Variants in NMNAT2 observed in about 807,000 individuals in gnomAD.
The protein encoded by NMNAT2 is nicotinamide nucleotide adenylyltransferase 2.
Under a neutral mutation model 41.6 loss-of-function variants are expected in NMNAT2, and 11 were observed. That is an observed-to-expected ratio of 0.26 (90% CI 0.17 to 0.44). The LOEUF is 0.44. Ranked by LOEUF, NMNAT2 falls within the 20% of genes least tolerant of loss-of-function variation. The pLI is 1.00. For synonymous variants in NMNAT2, 148 were observed against 151.2 expected, an observed-to-expected ratio of 0.98 and a Z score of 0.16; for missense variants, 288 against 407.7, an observed-to-expected ratio of 0.71 and a Z score of 2.53.
Position 183,326,984 on chromosome 1 carries a change from C to G in NMNAT2, c.86-33191G>C, listed in dbSNP as rs984773828. On this transcript the variant is annotated intron_variant, in intron 1 of 10. Transcript: ENST00000287713. ...ACAGAGAGGGAAAGAGTGGACATAGCTATCCCCATTACCCTTTCTCAGCAG... is the reference window on the plus strand; with the variant it reads ...ACAGAGAGGGAAAGAGTGGACATAGGTATCCCCATTACCCTTTCTCAGCAG... Among the ~76,000 whole-genome samples the G allele has an allele frequency of 3.3e-5, 5 of 151,990 alleles. No homozygotes were observed. The South Asian group carries it at 1.0e-3, about 32-fold the overall frequency.
At chr1:183,377,597 C>T (rs1663706720) in intron 1 of NMNAT2, among the ~76,000 whole-genome samples, 3 of 152,176 alleles carry the variant, frequency 2.0e-5, no homozygotes, top group Admixed American at 2.0e-4. Context: ...ACTAAATTAA[C>T]ATAAACTCTC....
chr1:183,399,905 G>A (rs1240896212), intron 1 of NMNAT2, among the ~76,000 whole-genome samples: 3 of 151,956 alleles, frequency 2.0e-5, no homozygotes, highest in African/African-American at 4.8e-5. Context: ...TATTGACGGG[G>A]CATATCTCAA....
chr1:183,394,142 A>G (rs1412395138), intron 1 of NMNAT2, among the ~76,000 whole-genome samples: 1 of 152,192 alleles, frequency 6.6e-6, no homozygotes, highest in Non-Finnish European at 1.5e-5. Context: ...GTTACCCACA[A>G]ATTTTCAACT....
chr1:183,341,749 C>CAAAAAAAAA (rs1475480146), intron 1 of NMNAT2, among the ~76,000 whole-genome samples: 1 of 31,678 alleles, frequency 3.2e-5, no homozygotes, highest in African/African-American at 1.2e-4. Flanking sequence ...AAAAAAAAAC[C>CAAAAAAAAA]TGTTTCCTTC....
intron 1 of NMNAT2, among the ~76,000 whole-genome samples, chr1:183,393,380 A>G (rs937230261): frequency 1.3e-5 from 2 of 152,112 alleles, no homozygotes; most frequent in East Asian, 1.9e-4. Context: ...GCCCAGCTTC[A>G]AGGTCACCCA....
intron 1 of NMNAT2, among the ~76,000 whole-genome samples, chr1:183,329,747 A>G (rs928192603): frequency 2.0e-5 from 3 of 152,062 alleles, no homozygotes; most frequent in African/African-American, 7.3e-5. Flanking sequence ...GAGCCTGCAG[A>G]GATGGTTGGT....
chr1:183,261,309 G>T lies in NMNAT2; in HGVS notation c.652-6C>A. The T allele has an allele frequency of 6.2e-7, 1 of 1,610,984 alleles. No homozygotes were observed. Among genetic ancestry groups the T allele is most frequent in the South Asian group, 1.1e-5 (1 of 91,010 alleles). Reference sequence around the variant, plus strand: ...TCACCAACAATCACCTCCATCTAAAGAAACAGAGAGAGGGCCCTTTGGTGA... The same window carrying T: ...TCACCAACAATCACCTCCATCTAAATAAACAGAGAGAGGGCCCTTTGGTGA... On this transcript the variant is annotated splice_polypyrimidine_tract_variant and splice_region_variant and intron_variant, in intron 8 of 10. Transcript: ENST00000287713.
intron 1 of NMNAT2, among the ~76,000 whole-genome samples, chr1:183,360,900 A>G (rs73050016): frequency 0.011 from 1,615 of 152,328 alleles, 38 homozygotes; most frequent in African/African-American, 0.037. Context: ...ATACATAATT[A>G]TAAAAATCTC....
At chr1:183,343,143 G>C (rs1415438404) in intron 1 of NMNAT2, among the ~76,000 whole-genome samples, 2 of 152,056 alleles carry the variant, frequency 1.3e-5, no homozygotes. Context: ...GGCCTTTGAG[G>C]CCAACCATCT....
rs370701366 is a variant in NMNAT2 at position 183,261,059 on chromosome 1, A to G, written c.764T>C (p.Met255Thr). The G allele has an allele frequency of 1.2e-5, 19 of 1,613,888 alleles. No individual in the cohort carries two copies. In the African/African-American group the frequency reaches 2.4e-4, roughly 20 times the overall value. The change falls in exon 10 of 11, where the codon ATG (methionine) becomes ACG (threonine). Residue 255 changes from methionine (M) to threonine (T), a missense_variant. Coordinates refer to ENST00000287713, the MANE Select transcript of NMNAT2 (RefSeq NM_015039.4). ...SILRKYKNNIMVVKDDINHPM... is the reference protein window; with the variant it reads ...SILRKYKNNITVVKDDINHPM... ...ATGGTTGATGTCATCCTTCACCACC[A>G]TGATGTTGTTCTGAGGACAGAGCAG...
chr1:183,366,078 A>G (rs1663404614), intron 1 of NMNAT2, among the ~76,000 whole-genome samples: 1 of 152,236 alleles, frequency 6.6e-6, no homozygotes. Flanking sequence ...TACAACTGCC[A>G]AAATAGCAAT....
intron 8 of NMNAT2, chr1:183,266,764 A>G: frequency 9.3e-6 from 2 of 215,164 alleles, no homozygotes. Flanking sequence ...TAATTACTGA[A>G]GATCTCCAGG....
intron 1 of NMNAT2, among the ~76,000 whole-genome samples, chr1:183,396,558 C>T (rs1405499394): frequency 6.6e-6 from 1 of 152,054 alleles, no homozygotes; most frequent in Admixed American, 6.5e-5. Flanking sequence ...GTATATAACT[C>T]CAGTAAGCAC....
intron 3 of NMNAT2, 81 bp from the exon 4 acceptor site, chr1:183,290,287 C>G: frequency 8.5e-7 from 1 of 1,180,242 alleles, no homozygotes; most frequent in Non-Finnish European, 1.2e-6. Flanking sequence ...AATCATAGCT[C>G]AGGAAGCATG....
At chr1:183,265,582 A>G (rs1375977475) in intron 8 of NMNAT2, among the ~76,000 whole-genome samples, 1 of 151,972 alleles carries the variant, frequency 6.6e-6, no homozygotes, top group Non-Finnish European at 1.5e-5. Flanking sequence ...TCTTCTTATA[A>G]TTGCTCAGAC....
At chr1:183,267,408 C>T (rs1460186966) in intron 8 of NMNAT2, 1 of 152,208 alleles carries the variant, frequency 6.6e-6, no homozygotes, top group African/African-American at 2.4e-5. Context: ...GGGCTGCAGC[C>T]TCTCTCTTAA....
chr1:183,289,019 CT>C (rs1238082911), intron 4 of NMNAT2, among the ~76,000 whole-genome samples: 1 of 152,232 alleles, frequency 6.6e-6, no homozygotes, highest in Non-Finnish European at 1.5e-5. Context: ...CTCTACCTCA[CT>C]TGCCCTTAGC....
intron 10 of NMNAT2, among the ~76,000 whole-genome samples, chr1:183,254,795 T>G (rs1191396507): frequency 6.6e-6 from 1 of 152,240 alleles, no homozygotes; most frequent in African/African-American, 2.4e-5. Context: ...TTGTGTAAGT[T>G]CTTTATAAAT....
chr1:183,324,008 T>A (rs1662409134), intron 1 of NMNAT2, among the ~76,000 whole-genome samples: 1 of 152,126 alleles, frequency 6.6e-6, no homozygotes, highest in African/African-American at 2.4e-5. Flanking sequence ...CAGGGCCTGC[T>A]GGGGGATCAC....
Sources: gnomAD v4.1 joint callset for allele counts (sites outside exome capture counted in the v4.1 genomes callset) on GRCh38, gnomAD v4.1.1 for gene constraint, MANE v1.5 for transcripts, NCBI Gene and HGNC (gene_info 2026-07-23, HGNC 2026-07-21) for gene names.